The following CDC14A variants were observed in gnomAD, a reference collection of about 807,000 sequenced individuals.
CDC14A encodes dual specificity protein phosphatase CDC14A.
In CDC14A, 53 loss-of-function variants were observed where a neutral mutation model predicts 74.4. That is an observed-to-expected ratio of 0.71 (90% CI 0.57 to 0.89). The LOEUF (loss-of-function observed/expected upper bound fraction) is 0.89, where lower values mean the gene tolerates loss of function less well. Ranked by LOEUF, CDC14A falls within the 40% of genes least tolerant of loss-of-function variation. The probability of loss-of-function intolerance (pLI) is 0.00; values close to 1 mark genes in which losing one functional copy is unlikely to be tolerated. For missense variants in CDC14A, 646 were observed against 713.7 expected (o/e 0.91, Z 1.08); for synonymous variants, 247 against 258.4 (o/e 0.96, Z 0.43).
At chr1:100,406,281 C>T (rs917948032) in intron 4 of CDC14A, among the ~76,000 whole-genome samples, 117 of 152,218 alleles carry the variant, frequency 7.7e-4, no homozygotes, top group African/African-American at 2.7e-3. Context: ...GGATATTAGA[C>T]CTTTGTCAGA....
intron 7 of CDC14A, among the ~76,000 whole-genome samples, chr1:100,445,762 A>C (rs1203896784): frequency 5.3e-5 from 8 of 152,212 alleles, no homozygotes; most frequent in Non-Finnish European, 1.2e-4. Flanking sequence ...TCATGGTTTC[A>C]CCTTGACAAC....
intron 10 of CDC14A, among the ~76,000 whole-genome samples, chr1:100,481,369 G>T (rs1318840680): frequency 6.6e-6 from 1 of 152,120 alleles, no homozygotes; most frequent in Non-Finnish European, 1.5e-5. Context: ...ATTGGGCTGG[G>T]CTTAGGGAAG....
upstream of CDC14A, among the ~76,000 whole-genome samples, chr1:100,348,380 TTCCA>T (rs1650623916): frequency 6.6e-6 from 1 of 152,234 alleles, no homozygotes; most frequent in African/African-American, 2.4e-5. Flanking sequence ...CATCTGAATC[TTCCA>T]TCCATTCTTT....
chr1:100,469,947 C>T (rs1668227236), intron 10 of CDC14A, among the ~76,000 whole-genome samples: 1 of 152,148 alleles, frequency 6.6e-6, no homozygotes, highest in African/African-American at 2.4e-5. Flanking sequence ...TTTATAGATA[C>T]TTAAGCTGTA....
At chr1:100,390,952 G>T (rs774336719) in intron 4 of CDC14A, 128 bp downstream of exon 4, 4 of 717,818 alleles carry the variant, frequency 5.6e-6, no homozygotes, top group African/African-American at 3.5e-5. Context: ...TTTGGGAATT[G>T]ATCTGTAGTG....
chr1:100,352,543 C>T lies in CDC14A; in HGVS notation c.-412C>T. 9.6e-7 allele frequency: 1 copy of T among 1,040,584 alleles called. No homozygotes were observed. The highest frequency in any genetic ancestry group is 1.2e-6 in the Non-Finnish European group (1 of 865,760). 64.5% of individuals were successfully genotyped at this position (1,040,584 alleles called of 1,614,324 possible). A position where few individuals can be genotyped will look rare whatever the true frequency, so the allele number is the denominator to read the frequency against. Reference sequence around the variant, plus strand: ...CAGCCCGCGGGCACTGAAGTCCTCCCGGCTGCCGCTCGAGTAGCCACGGGC... The same window carrying T: ...CAGCCCGCGGGCACTGAAGTCCTCCTGGCTGCCGCTCGAGTAGCCACGGGC... On this transcript the variant is annotated 5_prime_UTR_variant, in exon 1 of 16. Transcript: ENST00000336454.
At chr1:100,469,165 G>A (rs746856974) in intron 10 of CDC14A, among the ~76,000 whole-genome samples, 24 of 151,880 alleles carry the variant, frequency 1.6e-4, no homozygotes, top group East Asian at 1.9e-4. Context: ...GTGTGAATTC[G>A]TAAAGAAACG....
At chr1:100,443,785 A>G (rs1326341619) in intron 7 of CDC14A, among the ~76,000 whole-genome samples, 2 of 152,190 alleles carry the variant, frequency 1.3e-5, no homozygotes, top group African/African-American at 2.4e-5. Context: ...GGCAAAGGCT[A>G]TCTCCAAGCT....
At chr1:100,417,051 C>A (rs1347918595) in intron 4 of CDC14A, among the ~76,000 whole-genome samples, 1 of 152,124 alleles carries the variant, frequency 6.6e-6, no homozygotes, top group Admixed American at 6.5e-5. Flanking sequence ...AGTCTTACAG[C>A]CTACTTGGGG....
At chr1:100,502,812 C>T (rs1244265442) in intron 15 of CDC14A, among the ~76,000 whole-genome samples, 1 of 152,124 alleles carries the variant, frequency 6.6e-6, no homozygotes, top group African/African-American at 2.4e-5. Flanking sequence ...TATTTCTTTT[C>T]ACTTCTCCTC....
In CDC14A at chr1:100,427,089, A is replaced by T. The variant is rs986787448; in HGVS notation, c.389+2788A>T. ...TCATACTAAATTCTGGGCAGCCATC[A>T]TTGCGTTGGCCTTCATTATAATCTG... is the stretch of plus-strand genomic sequence containing the variant. On this transcript the variant is annotated intron_variant, in intron 5 of 15. Transcript: ENST00000336454. Among the ~76,000 whole-genome samples the T allele has an allele frequency of 1.7e-4, 26 of 152,252 alleles. 1 individual carries two copies. The highest frequency in any genetic ancestry group is 7.4e-5 in the Non-Finnish European group (5 of 68,012).
intron 4 of CDC14A, chr1:100,423,722 CATTTTATTGTG>C (rs1371706457): frequency 6.4e-6 from 1 of 155,124 alleles, no homozygotes; most frequent in Admixed American, 6.2e-5. Flanking sequence ...CATTTTCACC[CATTTTATTGTG>C]ATTTTATTGA....
chr1:100,352,918 C>A lies in CDC14A; in HGVS notation c.-37C>A, dbSNP rs1017706804. 6.2e-7 allele frequency: 1 copy of A among 1,613,186 alleles called. No individual in the cohort carries two copies. The highest frequency in any genetic ancestry group is 1.3e-5 in the African/African-American group (1 of 74,912). On this transcript the variant is annotated 5_prime_UTR_variant, in exon 1 of 16. Transcript: ENST00000336454. ...CCGGGGGCGAGTGACTTCAGCTGGC[C>A]ACGACCCAGCCCTCCCCCGTGCGTA... is the stretch of plus-strand genomic sequence containing the variant.
intron 7 of CDC14A, among the ~76,000 whole-genome samples, chr1:100,452,470 C>T (rs773074786): frequency 3.3e-5 from 5 of 152,110 alleles, no homozygotes; most frequent in African/African-American, 7.2e-5. Flanking sequence ...GAGATCGCAC[C>T]GTTGCACTCC....
chr1:100,475,197 C>A (rs1288780911), intron 10 of CDC14A, among the ~76,000 whole-genome samples: 1 of 152,158 alleles, frequency 6.6e-6, no homozygotes, highest in Non-Finnish European at 1.5e-5. Flanking sequence ...TGCCATTTAA[C>A]CCACTCACTG....
intron 2 of CDC14A, among the ~76,000 whole-genome samples, chr1:100,355,299 ATGTT>A (rs1651732186): frequency 6.6e-6 from 1 of 152,188 alleles, no homozygotes; most frequent in Admixed American, 6.5e-5. Flanking sequence ...ATATATCATT[ATGTT>A]CAATTCTACA....
intron 10 of CDC14A, among the ~76,000 whole-genome samples, chr1:100,477,036 G>A (rs1340863423): frequency 6.6e-6 from 1 of 152,182 alleles, no homozygotes; most frequent in Non-Finnish European, 1.5e-5. Context: ...GGAGCCATAA[G>A]CCAAGGAATA....
chr1:100,385,435 A>G (rs556710577), intron 3 of CDC14A, among the ~76,000 whole-genome samples: 1 of 152,270 alleles, frequency 6.6e-6, no homozygotes, highest in South Asian at 2.1e-4. Flanking sequence ...AAGAGAATGA[A>G]ATATAATACA....
intron 3 of CDC14A, among the ~76,000 whole-genome samples, chr1:100,384,555 C>T (rs1252699773): frequency 6.6e-6 from 1 of 152,194 alleles, no homozygotes; most frequent in African/African-American, 2.4e-5. Flanking sequence ...TTCTTCTCCC[C>T]TTGTCACTGC....
Sources: gnomAD v4.1 joint callset for allele counts (sites outside exome capture counted in the v4.1 genomes callset) on GRCh38, gnomAD v4.1.1 for gene constraint, MANE v1.5 for transcripts, NCBI Gene and HGNC (gene_info 2026-07-23, HGNC 2026-07-21) for gene names.